The following TPST1 variants were observed in gnomAD, a reference collection of about 807,000 sequenced individuals.
TPST1 encodes tyrosylprotein sulfotransferase 1, also known as protein-tyrosine sulfotransferase 1.
A neutral mutation model predicts 34.8 loss-of-function variants in TPST1; 20 were observed. The ratio of observed to expected loss-of-function variants is 0.57; its 90% CI spans 0.40 to 0.84. The LOEUF (loss-of-function observed/expected upper bound fraction) is 0.84. TPST1 is among the 40% of genes least tolerant of loss of function. TPST1 has a pLI of 0.00. For missense variants in TPST1, 353 were observed against 455.5 expected, an observed-to-expected ratio of 0.78 and a Z score of 2.05; for synonymous variants, 152 against 159.4, an observed-to-expected ratio of 0.95 and a Z score of 0.35.
intron 1 of TPST1, among the ~76,000 whole-genome samples, chr7:66,210,988 C>T (rs540725660): frequency 4.9e-4 from 75 of 152,038 alleles, no homozygotes; most frequent in Non-Finnish European, 6.3e-4. Flanking sequence ...CACACACGCG[C>T]GCGCACACAC....
chr7:66,359,895 G>A lies in TPST1; in HGVS notation c.*30G>A, dbSNP rs1160161996. On this transcript the variant is annotated splice_region_variant and 3_prime_UTR_variant, in exon 6 of 6. Transcript: ENST00000304842. Reference sequence around the variant, plus strand: ...ACCACATTCTGTTTGTTCGCCCTAGGAAAGATTGCTGCCTTTTCAGCAGAA... The same window carrying A: ...ACCACATTCTGTTTGTTCGCCCTAGAAAAGATTGCTGCCTTTTCAGCAGAA... 1 of 456,606 alleles carries A rather than the reference G, an allele frequency of 2.2e-6. No individual in the cohort carries two copies. Among genetic ancestry groups the A allele is most frequent in the Non-Finnish European group, 4.4e-6 (1 of 226,972 alleles). 28.3% of individuals were successfully genotyped at this position (456,606 alleles called of 1,614,324 possible).
intron 1 of TPST1, among the ~76,000 whole-genome samples, chr7:66,228,985 AAC>A (rs1789721363): frequency 6.6e-6 from 1 of 152,250 alleles, no homozygotes; most frequent in Non-Finnish European, 1.5e-5. Context: ...TGAGTCATGT[AAC>A]AGTTACAATA....
chr7:66,274,257 A>T (rs891654872), intron 2 of TPST1, among the ~76,000 whole-genome samples: 3 of 151,708 alleles, frequency 2.0e-5, no homozygotes, highest in African/African-American at 7.2e-5. Flanking sequence ...AATCCCAGCT[A>T]CTCAGGCTGA....
intron 3 of TPST1, among the ~76,000 whole-genome samples, chr7:66,300,759 A>G (rs2116037748): frequency 6.6e-6 from 1 of 152,288 alleles, no homozygotes; most frequent in South Asian, 2.1e-4. Flanking sequence ...CAGCCTGGCC[A>G]ACATGGCGAA....
chr7:66,323,222 A>G (rs1475468541), intron 3 of TPST1, among the ~76,000 whole-genome samples: 1 of 152,050 alleles, frequency 6.6e-6, no homozygotes, highest in African/African-American at 2.4e-5. Flanking sequence ...CTTTATTTTG[A>G]TTCTTTAATT....
At chr7:66,306,498 A>C (rs73146613) in intron 3 of TPST1, among the ~76,000 whole-genome samples, 4,860 of 152,156 alleles carry the variant, frequency 0.032, 108 homozygotes, top group Non-Finnish European at 0.049. Flanking sequence ...GCTTGCTCTG[A>C]CCAGAAAGAA....
At chr7:66,264,216 A>C (rs938874408) in intron 2 of TPST1, among the ~76,000 whole-genome samples, 1 of 152,204 alleles carries the variant, frequency 6.6e-6, no homozygotes, top group African/African-American at 2.4e-5. Context: ...TTGCTTCCTG[A>C]ATCAAGAAAT....
intron 2 of TPST1, among the ~76,000 whole-genome samples, chr7:66,249,094 C>T: frequency 6.6e-6 from 1 of 152,120 alleles, no homozygotes; most frequent in Non-Finnish European, 1.5e-5. Flanking sequence ...CCCAAGTTCC[C>T]ATCTCCTAAT....
At chr7:66,266,730 C>T (rs1790599861) in intron 2 of TPST1, among the ~76,000 whole-genome samples, 1 of 152,208 alleles carries the variant, frequency 6.6e-6, no homozygotes, top group African/African-American at 2.4e-5. Context: ...ATACATACAA[C>T]ATGGTTGAAG....
chr7:66,255,956 C>A (rs1790375307), intron 2 of TPST1, among the ~76,000 whole-genome samples: 1 of 151,998 alleles, frequency 6.6e-6, no homozygotes, highest in Non-Finnish European at 1.5e-5. Context: ...ATTGCCCAGA[C>A]CTACTATTTT....
chr7:66,277,075 A>T (rs1790832473), intron 2 of TPST1, among the ~76,000 whole-genome samples: 1 of 152,062 alleles, frequency 6.6e-6, no homozygotes, highest in African/African-American at 2.4e-5. Context: ...CCTCGCTTGT[A>T]TCGGGGCCTT....
intron 2 of TPST1, among the ~76,000 whole-genome samples, chr7:66,281,866 G>T (rs766059888): frequency 6.6e-6 from 1 of 152,198 alleles, no homozygotes; most frequent in Non-Finnish European, 1.5e-5. Context: ...AATGAATGTC[G>T]TGGAGAATTG....
intron 3 of TPST1, among the ~76,000 whole-genome samples, chr7:66,325,478 T>C (rs908511073): frequency 6.6e-6 from 1 of 152,104 alleles, no homozygotes; most frequent in Non-Finnish European, 1.5e-5. Context: ...TTTTAACAAT[T>C]TTTTTAAGTT....
Position 66,360,122 on chromosome 7 carries a change from G to GA in TPST1, c.*259dup. 2.9e-6 allele frequency: 1 copy of GA among 345,092 alleles called. No individual in the cohort carries two copies. The allele number at this position is 345,092 out of a possible 1,614,324, so 21.4% of individuals were successfully genotyped here. ...GCACAGCCCTGCAGTAAGGAGCCCA[G>GA]AAGGAACATGTGTTTCCTGTTAAAA... On this transcript the variant is annotated 3_prime_UTR_variant, in exon 6 of 6. Transcript: ENST00000304842.
In TPST1 at chr7:66,241,260, T is replaced by C; in HGVS notation, c.835T>C (p.Ser279Pro). The change falls in exon 2 of 6, where the codon TCT becomes CCT. Residue 279 changes from serine to proline, a missense_variant. Transcript: ENST00000304842. The stretch of plus-strand genomic sequence containing the variant: ...GATGATTGGGAAAGCTGGGGGAGTG[T>C]CTCTGTCAAAGTGAGTAGAAGATAC... Reference protein sequence around the residue: ...EEMIGKAGGVSLSKVERSTDQ... With the variant: ...EEMIGKAGGVPLSKVERSTDQ... 1 of 1,608,102 alleles carries C rather than the reference T, an allele frequency of 6.2e-7. No individual in the cohort carries two copies.
chr7:66,262,050 G>C (rs574665390), intron 2 of TPST1, among the ~76,000 whole-genome samples: 127 of 152,224 alleles, frequency 8.3e-4, no homozygotes, highest in African/African-American at 3.0e-3. Flanking sequence ...TGCTCTCTCT[G>C]AGCCCTCCTT....
At chr7:66,334,632 T>A (rs1221641578) in intron 3 of TPST1, among the ~76,000 whole-genome samples, 1 of 29,482 alleles carries the variant, frequency 3.4e-5, no homozygotes, top group African/African-American at 2.2e-4. Context: ...CGAGACTCCA[T>A]CTCAAAAAAA....
At chr7:66,239,424 C>G (rs564497108) in intron 1 of TPST1, among the ~76,000 whole-genome samples, 1 of 152,290 alleles carries the variant, frequency 6.6e-6, no homozygotes, top group African/African-American at 2.4e-5. Context: ...ATCTGTCTGT[C>G]AAAAGGCTTT....
At chr7:66,272,480 T>C (rs1042487999) in intron 2 of TPST1, among the ~76,000 whole-genome samples, 1 of 151,666 alleles carries the variant, frequency 6.6e-6, no homozygotes, top group Non-Finnish European at 1.5e-5. Context: ...GTCAACACAA[T>C]AAAGACTATC....
Sources: allele counts gnomAD v4.1 joint callset (sites outside exome capture counted in the v4.1 genomes callset), GRCh38; gene constraint gnomAD v4.1.1; transcripts MANE v1.5; gene names NCBI Gene and HGNC (gene_info 2026-07-23, HGNC 2026-07-21).